Variants in EIF5B observed in about 807,000 individuals in gnomAD.
EIF5B encodes eukaryotic translation initiation factor 5B.
A neutral mutation model predicts 147.5 loss-of-function variants in EIF5B; 47 were observed. The ratio of observed to expected loss-of-function variants is 0.32; its 90% confidence interval spans 0.25 to 0.41. The LOEUF (loss-of-function observed/expected upper bound fraction) is 0.41. Among genes scored for constraint, EIF5B ranks in the 10% least tolerant of loss-of-function variants. The probability of loss-of-function intolerance (pLI) is 1.00; values close to 1 mark genes in which losing one functional copy is unlikely to be tolerated. For synonymous variants in EIF5B, 455 were observed against 456.2 expected (o/e 1.00, Z 0.03); for missense variants, 1,064 against 1,413.2 (o/e 0.75, Z 3.96).
intron 3 of EIF5B, 90 bp downstream of exon 3, chr2:99,360,639 T>C: frequency 7.9e-7 from 1 of 1,269,180 alleles, no homozygotes; most frequent in Middle Eastern, 1.9e-4. Flanking sequence ...TGGAAACTTT[T>C]GAGCAGTGTA....
intron 8 of EIF5B, among the ~76,000 whole-genome samples, chr2:99,369,822 A>G (rs2104198585): frequency 6.6e-6 from 1 of 152,190 alleles, no homozygotes; most frequent in South Asian, 2.1e-4. Flanking sequence ...TAAAAATACA[A>G]AAAATTAGCC....
intron 1 of EIF5B, among the ~76,000 whole-genome samples, chr2:99,339,977 G>A (rs1460351798): frequency 6.6e-6 from 1 of 152,070 alleles, no homozygotes; most frequent in Admixed American, 6.6e-5. Context: ...GAAAGTGGTG[G>A]CAATATAATT....
intron 23 of EIF5B, 33 bp downstream of exon 23, chr2:99,398,942 G>GC (rs1675131257): frequency 2.5e-6 from 4 of 1,602,188 alleles, no homozygotes; most frequent in Non-Finnish European, 3.4e-6. Context: ...CACACTTTAA[G>GC]CAACAGGGAA....
At chr2:99,396,500 C>CAAA (rs1675050211) in intron 21 of EIF5B, among the ~76,000 whole-genome samples, 1 of 152,154 alleles carries the variant, frequency 6.6e-6, no homozygotes, top group African/African-American at 2.4e-5. Flanking sequence ...GATGCAGCTT[C>CAAA]TTTTGGAGGT....
intron 9 of EIF5B, among the ~76,000 whole-genome samples, chr2:99,373,483 G>T (rs535430309): frequency 2.3e-4 from 35 of 152,224 alleles, no homozygotes; most frequent in African/African-American, 8.4e-4. Flanking sequence ...TTCTGCGGGC[G>T]TGAATCCATT....
chr2:99,365,854 C>T (rs1674316808), intron 6 of EIF5B, among the ~76,000 whole-genome samples: 1 of 152,158 alleles, frequency 6.6e-6, no homozygotes, highest in South Asian at 2.1e-4. Context: ...CCCCCACCCA[C>T]AGCCCACTCA....
chr2:99,360,184 A>G (rs1674178757), intron 1 of EIF5B, 52 bp from the exon 2 acceptor site: 2 of 1,545,360 alleles, frequency 1.3e-6, no homozygotes, highest in Admixed American at 4.5e-5. Flanking sequence ...ATATAAATGA[A>G]TGATTATTTT....
intron 1 of EIF5B, among the ~76,000 whole-genome samples, chr2:99,353,510 C>T (rs1674025690): frequency 6.6e-6 from 1 of 152,072 alleles, no homozygotes; most frequent in African/African-American, 2.4e-5. Flanking sequence ...TCAGGTTTGC[C>T]GAGTTTCATT....
Position 99,337,608 on chromosome 2 carries a change from C to A in EIF5B, c.35+19C>A. Reference sequence around the variant, plus strand: ...AAGACAGGTAGATAGGGGTTGGGTCCGTACGGCGGCGGCCGCCGTGGCTCA... The same window carrying A: ...AAGACAGGTAGATAGGGGTTGGGTCAGTACGGCGGCGGCCGCCGTGGCTCA... On this transcript the variant is annotated intron_variant, in intron 1 of 23. Transcript: ENST00000289371. 1 of 1,602,922 alleles carries A rather than the reference C, an allele frequency of 6.2e-7. No individual in the cohort carries two copies.
At chr2:99,369,542 A>G in intron 8 of EIF5B, 61 bp downstream of exon 8, 1 of 1,390,186 alleles carries the variant, frequency 7.2e-7, no homozygotes, top group South Asian at 1.3e-5. Context: ...TTGGTGTGTC[A>G]TAAGTTGTCT....
intron 1 of EIF5B, among the ~76,000 whole-genome samples, chr2:99,352,904 A>G (rs1030167387): frequency 4.0e-5 from 6 of 149,876 alleles, no homozygotes; most frequent in African/African-American, 1.5e-4. Flanking sequence ...GGCTCATCAT[A>G]GCCTCCCTCT....
At chr2:99,388,064 G>A (rs1674848595) in intron 14 of EIF5B, among the ~76,000 whole-genome samples, 1 of 151,960 alleles carries the variant, frequency 6.6e-6, no homozygotes, top group Non-Finnish European at 1.5e-5. Context: ...AGTATTTCAT[G>A]GTTTAATGCT....
At chr2:99,372,581 G>A (rs903750632) in intron 9 of EIF5B, among the ~76,000 whole-genome samples, 19 of 152,124 alleles carry the variant, frequency 1.2e-4, no homozygotes, top group Admixed American at 2.6e-4. Flanking sequence ...CAGGTGATCC[G>A]CCCGCCTTGG....
chr2:99,371,543 A>G, intron 8 of EIF5B, 113 bp from the exon 9 acceptor site: 1 of 790,072 alleles, frequency 1.3e-6, no homozygotes, highest in South Asian at 1.9e-5. Flanking sequence ...CATATTTTTT[A>G]CATAATTAAA....
chr2:99,377,405 C>G (rs1420255853), intron 10 of EIF5B, among the ~76,000 whole-genome samples: 2 of 151,234 alleles, frequency 1.3e-5, no homozygotes. Flanking sequence ...ATTTGGGGGC[C>G]AGATAATTCT....
intron 9 of EIF5B, among the ~76,000 whole-genome samples, chr2:99,375,917 G>A (rs1424259752): frequency 6.6e-6 from 1 of 152,082 alleles, no homozygotes; most frequent in Non-Finnish European, 1.5e-5. Flanking sequence ...AGGTTTTTCC[G>A]ATTTCAGATG....
chr2:99,390,490 A>G (rs1373129441), intron 16 of EIF5B, 54 bp from the exon 17 acceptor site: 1 of 1,584,782 alleles, frequency 6.3e-7, no homozygotes, highest in Non-Finnish European at 8.6e-7. Flanking sequence ...TTTTAGATTT[A>G]ATGAACATGG....
intron 6 of EIF5B, among the ~76,000 whole-genome samples, chr2:99,365,442 T>G (rs1201533317): frequency 6.6e-6 from 1 of 152,214 alleles, no homozygotes; most frequent in African/African-American, 2.4e-5. Flanking sequence ...TTAGAAAGTT[T>G]TATTCTTAAT....
rs767424906 is a variant in EIF5B at position 99,360,445 on chromosome 2, G to T, written c.162-20G>T. ...AAAAACTATACCAGTGCTTCACAATGTATTTTAATCCTTTTCTAGTGAAGA... is the reference window on the plus strand; with the variant it reads ...AAAAACTATACCAGTGCTTCACAATTTATTTTAATCCTTTTCTAGTGAAGA... On this transcript the variant is annotated intron_variant, in intron 2 of 23. Transcript: ENST00000289371. 2 of 1,609,772 alleles carry T rather than the reference G, an allele frequency of 1.2e-6. No homozygotes were observed. The highest frequency in any genetic ancestry group is 2.2e-5 in the South Asian group (2 of 90,110).
Sources: allele counts gnomAD v4.1 joint callset (sites outside exome capture counted in the v4.1 genomes callset), GRCh38; gene constraint gnomAD v4.1.1; transcripts MANE v1.5; gene names NCBI Gene and HGNC (gene_info 2026-07-23, HGNC 2026-07-21).